The following CDKAL1 variants were observed in gnomAD, a reference collection of about 807,000 sequenced individuals.
The protein encoded by CDKAL1 is CDKAL1 threonylcarbamoyladenosine tRNA methylthiotransferase.
In CDKAL1, 32 loss-of-function variants were observed where a neutral mutation model predicts 68.2. The observed-to-expected ratio is 0.47, with a 90% CI of 0.35 to 0.63. The LOEUF (loss-of-function observed/expected upper bound fraction) is 0.63. Ranked by LOEUF, CDKAL1 falls within the 30% of genes least tolerant of loss-of-function variation. CDKAL1 has a pLI of 0.00. For missense variants in CDKAL1, 606 were observed against 696.7 expected, an observed-to-expected ratio of 0.87 and a Z score of 1.47; for synonymous variants, 234 against 244.3, an observed-to-expected ratio of 0.96 and a Z score of 0.39.
At chr6:20,657,625 A>G (rs1022950408) in intron 5 of CDKAL1, among the ~76,000 whole-genome samples, 1 of 152,202 alleles carries the variant, frequency 6.6e-6, no homozygotes, top group African/African-American at 2.4e-5. Flanking sequence ...TGTGATTAAT[A>G]CAGTCTCAAT....
At chr6:20,598,049 A>G (rs1380045794) in intron 4 of CDKAL1, among the ~76,000 whole-genome samples, 1 of 152,102 alleles carries the variant, frequency 6.6e-6, no homozygotes, top group Non-Finnish European at 1.5e-5. Flanking sequence ...CTGTCCATTA[A>G]TATCTGTTGT....
At chr6:21,030,369 C>G (rs892930379) in intron 11 of CDKAL1, among the ~76,000 whole-genome samples, 4 of 152,150 alleles carry the variant, frequency 2.6e-5, no homozygotes, top group Admixed American at 2.6e-4. Context: ...GGACAAATAG[C>G]TAATGCATTC....
intron 13 of CDKAL1, among the ~76,000 whole-genome samples, chr6:21,193,906 C>G (rs1429054792): frequency 6.6e-6 from 1 of 152,168 alleles, no homozygotes; most frequent in Non-Finnish European, 1.5e-5. Flanking sequence ...ACAAAATACC[C>G]AAGACTGGAT....
chr6:20,626,782 G>C (rs1767450923), intron 4 of CDKAL1, among the ~76,000 whole-genome samples: 1 of 152,102 alleles, frequency 6.6e-6, no homozygotes, highest in Non-Finnish European at 1.5e-5. Context: ...TCACCTTTCT[G>C]TTTGAAGCAC....
chr6:20,553,646 C>G (rs778973449), intron 4 of CDKAL1, among the ~76,000 whole-genome samples: 1 of 152,156 alleles, frequency 6.6e-6, no homozygotes, highest in African/African-American at 2.4e-5. Flanking sequence ...AGTCTCACTC[C>G]GCTGCCCAGG....
intron 13 of CDKAL1, among the ~76,000 whole-genome samples, chr6:21,157,051 G>T (rs1359294808): frequency 6.6e-6 from 1 of 152,178 alleles, no homozygotes; most frequent in African/African-American, 2.4e-5. Context: ...TGCTTAGAGA[G>T]ATGGTAGGTA....
At chr6:21,083,064 T>G (rs1403908172) in intron 12 of CDKAL1, among the ~76,000 whole-genome samples, 1 of 151,876 alleles carries the variant, frequency 6.6e-6, no homozygotes, top group Non-Finnish European at 1.5e-5. Context: ...CAGGATCTTG[T>G]CATGTTGCCC....
chr6:21,013,942 G>A (rs1232886095), intron 11 of CDKAL1, among the ~76,000 whole-genome samples: 2 of 152,180 alleles, frequency 1.3e-5, no homozygotes, highest in Non-Finnish European at 2.9e-5. Context: ...ATCTTGTGCT[G>A]GTGGACAGTC....
intron 5 of CDKAL1, among the ~76,000 whole-genome samples, chr6:20,653,890 C>T (rs1432310709): frequency 2.6e-5 from 4 of 152,068 alleles, no homozygotes; most frequent in South Asian, 2.1e-4. Flanking sequence ...GGATTACAGA[C>T]GTGAGCCACT....
At chr6:20,608,128 T>G (rs1186921763) in intron 4 of CDKAL1, among the ~76,000 whole-genome samples, 1 of 152,230 alleles carries the variant, frequency 6.6e-6, no homozygotes, top group Non-Finnish European at 1.5e-5. Flanking sequence ...AGAAGTTTAC[T>G]GAGGAAAGAA....
chr6:21,025,782 C>T (rs572687442), intron 11 of CDKAL1, among the ~76,000 whole-genome samples: 17 of 152,188 alleles, frequency 1.1e-4, no homozygotes, highest in African/African-American at 4.1e-4. Context: ...TTCCAAACTT[C>T]TCTGACAGCT....
chr6:21,168,235 C>G (rs1208281255), intron 13 of CDKAL1, among the ~76,000 whole-genome samples: 1 of 152,198 alleles, frequency 6.6e-6, no homozygotes, highest in Non-Finnish European at 1.5e-5. Context: ...TTGTGCCCAG[C>G]CTTCTGCTCC....
chr6:21,026,665 G>A (rs554079270), intron 11 of CDKAL1, among the ~76,000 whole-genome samples: 1 of 152,198 alleles, frequency 6.6e-6, no homozygotes, highest in East Asian at 1.9e-4. Context: ...ATGAAAAAAG[G>A]CAGACTTTTA....
At chr6:20,922,355 A>G (rs986052356) in intron 9 of CDKAL1, among the ~76,000 whole-genome samples, 1 of 152,218 alleles carries the variant, frequency 6.6e-6, no homozygotes, top group Non-Finnish European at 1.5e-5. Context: ...ACCCTCTTAC[A>G]GTATTCCTGA....
chr6:20,890,200 G>A (rs1174247886), intron 9 of CDKAL1, among the ~76,000 whole-genome samples: 2 of 152,198 alleles, frequency 1.3e-5, no homozygotes, highest in Non-Finnish European at 2.9e-5. Flanking sequence ...CTCGCCTTGG[G>A]CAGTTACTGC....
chr6:20,762,325 G>A lies in CDKAL1; in HGVS notation c.517+3682G>A, dbSNP rs148990205. Reference sequence around the variant, plus strand: ...AGTTGAAGGGGATATTCATTGGCAGGTTTGGTTAGAGGATGGGAAGTTTGA... The same window carrying A: ...AGTTGAAGGGGATATTCATTGGCAGATTTGGTTAGAGGATGGGAAGTTTGA... On this transcript the variant is annotated intron_variant, in intron 7 of 15. Coordinates refer to ENST00000274695, the MANE Select transcript of CDKAL1 (RefSeq NM_017774.3). 1.6e-3 allele frequency among the ~76,000 whole-genome samples: 251 copies of A among 152,294 alleles called. 1 individual carries two copies. Among genetic ancestry groups the A allele is most frequent in the African/African-American group, 5.6e-3 (231 of 41,552 alleles).
rs571779563 is a variant in CDKAL1, at chr6:21,204,869, CATT to C, written c.1548+3596_1548+3598del. 2.4e-4 allele frequency among the ~76,000 whole-genome samples: 36 copies of C among 152,306 alleles called. No homozygotes were observed. The South Asian group carries it at 3.9e-3, about 17-fold the overall frequency. Reference sequence around the variant, plus strand: ...TAGTTAGTGGTGTTAAGTACATTCTCATTGTTGTACAACCCATCTCCAGAACTT... The same window carrying C: ...TAGTTAGTGGTGTTAAGTACATTCTCGTTGTACAACCCATCTCCAGAACTT... On this transcript the variant is annotated intron_variant, in intron 15 of 15. Transcript: ENST00000274695.
intron 13 of CDKAL1, among the ~76,000 whole-genome samples, chr6:21,172,488 G>A (rs1395995526): frequency 6.6e-6 from 1 of 152,132 alleles, no homozygotes; most frequent in Non-Finnish European, 1.5e-5. Flanking sequence ...GGTGGTTCAC[G>A]CCTGTAATCC....
chr6:20,844,268 T>C lies in CDKAL1; in HGVS notation c.639-1807T>C, dbSNP rs573424319. Among the ~76,000 whole-genome samples the C allele has an allele frequency of 3.5e-4, 53 of 152,304 alleles. 2 individuals carry two copies. The South Asian group carries it at 9.9e-3, about 29-fold the overall frequency. ...GCTTCAAGAAGATGAGTACTGGCCA[T>C]ATATTTGAATATATATGCTATATTA... is the stretch of plus-strand genomic sequence containing the variant. On this transcript the variant is annotated intron_variant, in intron 8 of 15. Transcript: ENST00000274695.
Sources: gnomAD v4.1 joint callset for allele counts (sites outside exome capture counted in the v4.1 genomes callset) on GRCh38, gnomAD v4.1.1 for gene constraint, MANE v1.5 for transcripts, NCBI Gene and HGNC (gene_info 2026-07-23, HGNC 2026-07-21) for gene names.